The following C9 variants were observed in gnomAD, a reference collection of about 807,000 sequenced individuals.
C9 encodes complement C9.
In C9, 63 loss-of-function variants were observed where a neutral mutation model predicts 65.4. The observed-to-expected ratio is 0.96, with a 90% CI of 0.79 to 1.19. C9 has a LOEUF of 1.19. Ranked by LOEUF, C9 falls within the 50% of genes most tolerant of loss-of-function variation. The pLI, the probability that C9 is intolerant of heterozygous loss-of-function variation, is 0.00. For missense variants in C9, 744 were observed against 670.1 expected, an observed-to-expected ratio of 1.11 and a Z score of -1.22; for synonymous variants, 229 against 227.9, an observed-to-expected ratio of 1.00 and a Z score of -0.04.
At chr5:39,354,892 T>G (rs1754388442) in intron 1 of C9, among the ~76,000 whole-genome samples, 1 of 152,164 alleles carries the variant, frequency 6.6e-6, no homozygotes. Flanking sequence ...CATAGAAAAC[T>G]AAATTACACT....
At chr5:39,352,850 T>G (rs1754347054) in intron 1 of C9, among the ~76,000 whole-genome samples, 1 of 152,090 alleles carries the variant, frequency 6.6e-6, no homozygotes, top group Non-Finnish European at 1.5e-5. Flanking sequence ...TTTTTTTTTT[T>G]TTTTTAACAT....
intron 4 of C9, among the ~76,000 whole-genome samples, chr5:39,339,337 A>G (rs1754027419): frequency 1.3e-5 from 2 of 152,238 alleles, no homozygotes; most frequent in African/African-American, 4.8e-5. Flanking sequence ...GGCACGTGAA[A>G]TGCTTTATCT....
At chr5:39,336,459 G>A (rs1485111347) in intron 4 of C9, among the ~76,000 whole-genome samples, 2 of 151,976 alleles carry the variant, frequency 1.3e-5, no homozygotes, top group Non-Finnish European at 2.9e-5. Context: ...AATACTCTTT[G>A]ACCATAGGGT....
chr5:39,344,539 T>C (rs1417084713), intron 1 of C9, among the ~76,000 whole-genome samples: 1 of 152,212 alleles, frequency 6.6e-6, no homozygotes, highest in Non-Finnish European at 1.5e-5. Flanking sequence ...ATCAAATCTA[T>C]GTCTGATTGG....
At chr5:39,298,293 A>G (rs1357721443) in intron 9 of C9, among the ~76,000 whole-genome samples, 1 of 151,612 alleles carries the variant, frequency 6.6e-6, no homozygotes, top group African/African-American at 2.4e-5. Context: ...TACAAAGCAT[A>G]AGGAAGGAAA....
intron 1 of C9, among the ~76,000 whole-genome samples, chr5:39,346,936 A>G (rs1480554798): frequency 6.6e-6 from 1 of 152,200 alleles, no homozygotes; most frequent in Non-Finnish European, 1.5e-5. Context: ...GATTATCTCA[A>G]TAGATGCAGA....
intron 7 of C9, 34 bp downstream of exon 7, chr5:39,311,103 G>A: frequency 6.2e-7 from 1 of 1,606,588 alleles, no homozygotes; most frequent in Non-Finnish European, 8.5e-7. Context: ...GGTCAAAACA[G>A]TATTTGAAGT....
chr5:39,288,034 C>T (rs936597733), intron 10 of C9, among the ~76,000 whole-genome samples: 1 of 151,706 alleles, frequency 6.6e-6, no homozygotes, highest in Non-Finnish European at 1.5e-5. Flanking sequence ...AAATACAATA[C>T]AGAATCTCAG....
At position 39,331,841 on chromosome 5, in the gene C9, A is replaced by G. The variant is rs185747919; in HGVS notation, c.477-27T>C. 3.7e-6 allele frequency: 6 copies of G among 1,608,878 alleles called. No homozygotes were observed. In the African/African-American group the frequency reaches 5.3e-5, roughly 14 times the overall value. ...TGAGAATGAACAGAGTAGTATCAGAAGTGGAAATACCACAACACAATGCAA... is the reference window on the plus strand; with the variant it reads ...TGAGAATGAACAGAGTAGTATCAGAGGTGGAAATACCACAACACAATGCAA... On this transcript the variant is annotated intron_variant, in intron 4 of 10. Coordinates refer to ENST00000263408, the MANE Select transcript of C9 (RefSeq NM_001737.5).
At chr5:39,316,214 A>T (rs1753567597) in intron 5 of C9, among the ~76,000 whole-genome samples, 185 bp from the exon 6 acceptor site, 1 of 152,206 alleles carries the variant, frequency 6.6e-6, no homozygotes, top group South Asian at 2.1e-4. Flanking sequence ...TGAAGTGATT[A>T]TGCAATAATC....
At chr5:39,337,447 T>A (rs1320537054) in intron 4 of C9, among the ~76,000 whole-genome samples, 1 of 152,230 alleles carries the variant, frequency 6.6e-6, no homozygotes, top group African/African-American at 2.4e-5. Context: ...TAGTCCAGAA[T>A]AAGCCAATTT....
intron 9 of C9, among the ~76,000 whole-genome samples, chr5:39,297,992 T>A (rs1753214574): frequency 6.6e-6 from 1 of 151,526 alleles, no homozygotes; most frequent in Non-Finnish European, 1.5e-5. Context: ...CCAAACAAAA[T>A]GAAAGTTGAA....
In C9 at chr5:39,284,848, C is replaced by T. The variant is rs943902684; in HGVS notation, c.*351G>A. The T allele has an allele frequency of 6.8e-6, 2 of 295,384 alleles. No homozygotes were observed. The highest frequency in any genetic ancestry group is 4.8e-5 in the Admixed American group (1 of 20,902). 18.3% of individuals were successfully genotyped at this position (295,384 alleles called of 1,614,324 possible). A position where few individuals can be genotyped will look rare whatever the true frequency, so the allele number is the denominator to read the frequency against. ...CATGGACCTGGCAGAATATGTTAACCATACAAAGCCGTTTGAAAATTACTT... is the reference window on the plus strand; with the variant it reads ...CATGGACCTGGCAGAATATGTTAACTATACAAAGCCGTTTGAAAATTACTT... On this transcript the variant is annotated 3_prime_UTR_variant, in exon 11 of 11. Coordinates refer to ENST00000263408, the MANE Select transcript of C9 (RefSeq NM_001737.5).
At chr5:39,360,996 T>C (rs1754507113) in intron 1 of C9, among the ~76,000 whole-genome samples, 1 of 152,114 alleles carries the variant, frequency 6.6e-6, no homozygotes, top group Admixed American at 6.5e-5. Flanking sequence ...ACATTATTTC[T>C]AGTGCGAAAG....
At chr5:39,363,777 C>T (rs1024711007) in intron 1 of C9, among the ~76,000 whole-genome samples, 1 of 152,110 alleles carries the variant, frequency 6.6e-6, no homozygotes, top group Non-Finnish European at 1.5e-5. Flanking sequence ...CTTTGCAATT[C>T]CGATTAGGAT....
intron 7 of C9, among the ~76,000 whole-genome samples, chr5:39,310,230 T>A (rs899051026): frequency 6.6e-6 from 1 of 152,060 alleles, no homozygotes; most frequent in Non-Finnish European, 1.5e-5. Flanking sequence ...ACCCTTCACT[T>A]AACACCTGAT....
chr5:39,346,760 C>T (rs574814840), intron 1 of C9, among the ~76,000 whole-genome samples: 1 of 152,236 alleles, frequency 6.6e-6, no homozygotes, highest in South Asian at 2.1e-4. Context: ...AACATTGATG[C>T]AAAAATCCTC....
intron 4 of C9, among the ~76,000 whole-genome samples, chr5:39,334,709 C>A (rs1332338110): frequency 6.7e-6 from 1 of 150,136 alleles, no homozygotes; most frequent in African/African-American, 2.5e-5. Context: ...GGTCAGCCCC[C>A]CGCCTGGCCA....
intron 4 of C9, among the ~76,000 whole-genome samples, chr5:39,337,825 G>A (rs1244531665): frequency 2.0e-5 from 3 of 152,238 alleles, no homozygotes; most frequent in Non-Finnish European, 4.4e-5. Flanking sequence ...GAACATAGAT[G>A]TGAGAGGCCT....
Sources: allele counts gnomAD v4.1 joint callset (sites outside exome capture counted in the v4.1 genomes callset), GRCh38; gene constraint gnomAD v4.1.1; transcripts MANE v1.5; gene names NCBI Gene and HGNC (gene_info 2026-07-23, HGNC 2026-07-21).